Variants in CACNB2 observed in about 807,000 individuals in gnomAD.
CACNB2 encodes calcium voltage-gated channel auxiliary subunit beta 2.
Under a neutral mutation model 73.3 loss-of-function variants are expected in CACNB2, and 42 were observed. That is an observed-to-expected ratio of 0.57 (90% CI 0.45 to 0.74). The LOEUF is 0.74. Ranked by LOEUF, CACNB2 falls within the 30% of genes least tolerant of loss-of-function variation. CACNB2 has a pLI of 0.00. For missense variants in CACNB2, 940 were observed against 853.0 expected, an observed-to-expected ratio of 1.10 and a Z score of -1.27; for synonymous variants, 348 against 310.3, an observed-to-expected ratio of 1.12 and a Z score of -1.28.
intron 2 of CACNB2, among the ~76,000 whole-genome samples, chr10:18,196,368 T>C (rs2034626021): frequency 1.3e-5 from 2 of 150,864 alleles, no homozygotes. Context: ...TCATGGCTCA[T>C]TGCAGCAGCC....
chr10:18,350,766 A>C (rs2041673161), intron 2 of CACNB2, among the ~76,000 whole-genome samples: 1 of 152,176 alleles, frequency 6.6e-6, no homozygotes, highest in African/African-American at 2.4e-5. Context: ...TCATCTTAAA[A>C]TTAACTTGTG....
At chr10:18,440,630 G>A (rs565805918) in intron 3 of CACNB2, among the ~76,000 whole-genome samples, 1 of 152,034 alleles carries the variant, frequency 6.6e-6, no homozygotes, top group East Asian at 1.9e-4. Context: ...GACAGAGCAA[G>A]GCCCTATCCC....
rs187351405 is a variant in CACNB2 at position 18,504,802 on chromosome 10, G to A, written c.594-1669G>A. On this transcript the variant is annotated intron_variant, in intron 5 of 13. Transcript: ENST00000324631. The stretch of plus-strand genomic sequence containing the variant: ...TGGGACTACAGGCATGCACCACCAC[G>A]CCCAGCTAATTTTTGTATTTTTAGT... Among the ~76,000 whole-genome samples the A allele has an allele frequency of 1.7e-3, 258 of 152,122 alleles. 2 individuals carry two copies. The highest frequency in any genetic ancestry group is 3.1e-3 in the Non-Finnish European group (208 of 67,988).
intron 3 of CACNB2, among the ~76,000 whole-genome samples, chr10:18,469,652 C>T (rs1024473433): frequency 2.0e-5 from 3 of 152,206 alleles, no homozygotes; most frequent in Admixed American, 6.5e-5. Flanking sequence ...CTTAATTTTA[C>T]ATTTGTACAA....
intron 2 of CACNB2, among the ~76,000 whole-genome samples, chr10:18,390,844 G>A (rs984537172): frequency 1.3e-5 from 2 of 152,262 alleles, no homozygotes; most frequent in Admixed American, 1.3e-4. Flanking sequence ...CTTTCTAGTA[G>A]CTTCAATTTA....
chr10:18,534,263 A>T, intron 11 of CACNB2, 36 bp downstream of exon 11: 1 of 1,557,196 alleles, frequency 6.4e-7, no homozygotes, highest in South Asian at 1.1e-5. Flanking sequence ...CTATAATCAA[A>T]CTTTCCTAAA....
At chr10:18,373,421 G>T (rs1051921687) in intron 2 of CACNB2, among the ~76,000 whole-genome samples, 1 of 152,122 alleles carries the variant, frequency 6.6e-6, no homozygotes, top group African/African-American at 2.4e-5. Flanking sequence ...ATTATTTATT[G>T]AATATTTATG....
intron 2 of CACNB2, among the ~76,000 whole-genome samples, chr10:18,247,818 T>TGG: frequency 6.6e-6 from 1 of 152,138 alleles, no homozygotes; most frequent in Admixed American, 6.5e-5. Flanking sequence ...GAGGACCACC[T>TGG]TTTCTGGGGT....
At chr10:18,454,758 G>A (rs375712430) in intron 3 of CACNB2, among the ~76,000 whole-genome samples, 10 of 152,182 alleles carry the variant, frequency 6.6e-5, no homozygotes, top group Non-Finnish European at 1.0e-4. Flanking sequence ...GTGTGATATC[G>A]ATGGATACTG....
intron 2 of CACNB2, among the ~76,000 whole-genome samples, chr10:18,193,360 T>C (rs2034491849): frequency 6.6e-6 from 1 of 152,116 alleles, no homozygotes; most frequent in Non-Finnish European, 1.5e-5. Flanking sequence ...CCAACACTTA[T>C]TATTTTCTAG....
At chr10:18,164,934 A>AT (rs755377671) in intron 2 of CACNB2, among the ~76,000 whole-genome samples, 6 of 152,246 alleles carry the variant, frequency 3.9e-5, no homozygotes, top group Admixed American at 2.6e-4. Flanking sequence ...TCATTCATTC[A>AT]TTTATTCATT....
intron 2 of CACNB2, among the ~76,000 whole-genome samples, chr10:18,377,563 T>G (rs2042850045): frequency 6.6e-6 from 1 of 152,246 alleles, no homozygotes; most frequent in Admixed American, 6.5e-5. Flanking sequence ...GAATTTCATG[T>G]AATTTTCGCA....
chr10:18,326,090 G>A (rs776557807), intron 2 of CACNB2, among the ~76,000 whole-genome samples: 6 of 152,114 alleles, frequency 3.9e-5, no homozygotes, highest in Non-Finnish European at 5.9e-5. Context: ...ATGCTAACCT[G>A]ACTCTGTTGT....
At position 18,538,307 on chromosome 10, in the gene CACNB2, G is replaced by T; in HGVS notation, c.1430G>T (p.Ser477Ile). 6.2e-7 allele frequency: 1 copy of T among 1,614,104 alleles called. No individual in the cohort carries two copies. Among genetic ancestry groups the T allele is most frequent in the Non-Finnish European group, 8.5e-7 (1 of 1,180,006 alleles). ...PSSSLPNPLL[S>I]RTLATSSLPL... Reference sequence around the variant, plus strand: ...AGTAGCCTCCCCAACCCTCTCCTTAGCCGTACATTAGCCACTTCAAGTCTG... The same window carrying T: ...AGTAGCCTCCCCAACCCTCTCCTTATCCGTACATTAGCCACTTCAAGTCTG... Residue 477 changes from serine to isoleucine, a missense_variant, in exon 13 of 14, where the codon AGC becomes ATC. Coordinates refer to ENST00000324631, the MANE Select transcript of CACNB2 (RefSeq NM_201596.3).
intron 3 of CACNB2, among the ~76,000 whole-genome samples, chr10:18,424,685 T>G (rs944818364): frequency 2.6e-5 from 4 of 152,238 alleles, no homozygotes; most frequent in Non-Finnish European, 5.9e-5. Context: ...CATGACATAC[T>G]GGTTAGTTTT....
At chr10:18,333,365 A>G (rs1040754612) in intron 2 of CACNB2, among the ~76,000 whole-genome samples, 1 of 152,098 alleles carries the variant, frequency 6.6e-6, no homozygotes, top group Non-Finnish European at 1.5e-5. Flanking sequence ...CTTGCCTTAA[A>G]TAGTACAGCT....
chr10:18,525,589 T>G (rs1463123218), intron 9 of CACNB2, among the ~76,000 whole-genome samples: 1 of 152,178 alleles, frequency 6.6e-6, no homozygotes, highest in African/African-American at 2.4e-5. Flanking sequence ...TCCCCAGTGT[T>G]ATGAAATTCA....
chr10:18,252,144 T>A (rs2037115424), intron 2 of CACNB2, among the ~76,000 whole-genome samples: 1 of 152,204 alleles, frequency 6.6e-6, no homozygotes, highest in African/African-American at 2.4e-5. Flanking sequence ...CTATTGTCCT[T>A]TCTCTCTGCC....
At chr10:18,279,059 T>C (rs2038425228) in intron 2 of CACNB2, among the ~76,000 whole-genome samples, 1 of 152,150 alleles carries the variant, frequency 6.6e-6, no homozygotes, top group African/African-American at 2.4e-5. Context: ...AAATTGAGCA[T>C]ATTGGAAACC....
Sources: allele counts gnomAD v4.1 joint callset (sites outside exome capture counted in the v4.1 genomes callset), GRCh38; gene constraint gnomAD v4.1.1; transcripts MANE v1.5; gene names NCBI Gene and HGNC (gene_info 2026-07-23, HGNC 2026-07-21).